Variants in GPC5 observed in about 807,000 individuals in gnomAD.
GPC5 encodes the protein glypican 5, also known as glypican-5.
A neutral mutation model predicts 53.9 loss-of-function variants in GPC5; 47 were observed. The ratio of observed to expected loss-of-function variants is 0.87; its 90% CI spans 0.69 to 1.11. The LOEUF is 1.11. GPC5 is among the 50% of genes most tolerant of loss of function. The pLI is 0.00. For synonymous variants in GPC5, 286 were observed against 263.3 expected, an observed-to-expected ratio of 1.09 and a Z score of -0.84; for missense variants, 748 against 713.1, an observed-to-expected ratio of 1.05 and a Z score of -0.56.
At chr13:91,960,772 G>A (rs1337240403) in intron 6 of GPC5, among the ~76,000 whole-genome samples, 1 of 151,840 alleles carries the variant, frequency 6.6e-6, no homozygotes, top group Non-Finnish European at 1.5e-5. Flanking sequence ...ACACATTTAT[G>A]TATTTTTGAT....
chr13:92,777,822 C>T (rs1193780611), intron 7 of GPC5, among the ~76,000 whole-genome samples: 1 of 152,206 alleles, frequency 6.6e-6, no homozygotes, highest in Non-Finnish European at 1.5e-5. Flanking sequence ...TGGCCTGCCT[C>T]TATCACTTAC....
chr13:92,549,123 A>G (rs1882223276), intron 7 of GPC5, among the ~76,000 whole-genome samples: 1 of 152,112 alleles, frequency 6.6e-6, no homozygotes, highest in Non-Finnish European at 1.5e-5. Flanking sequence ...GAATAAATCA[A>G]TCAGCTAACT....
chr13:92,107,807 G>A (rs765214574), intron 6 of GPC5, among the ~76,000 whole-genome samples: 1 of 152,062 alleles, frequency 6.6e-6, no homozygotes, highest in Non-Finnish European at 1.5e-5. Context: ...CATTGCTCAA[G>A]CTCTACCTCA....
chr13:92,266,845 G>GA (rs1333310919), intron 7 of GPC5, among the ~76,000 whole-genome samples: 1 of 151,752 alleles, frequency 6.6e-6, no homozygotes, highest in Non-Finnish European at 1.5e-5. Flanking sequence ...AAACATCAGT[G>GA]ACCAGACATC....
chr13:91,962,554 A>C, intron 6 of GPC5, among the ~76,000 whole-genome samples: 1 of 152,126 alleles, frequency 6.6e-6, no homozygotes, highest in Admixed American at 6.6e-5. Context: ...GTTGTTGCAC[A>C]GTCTTAGTAT....
chr13:91,564,809 T>G (rs1425247943), intron 2 of GPC5, among the ~76,000 whole-genome samples: 1 of 152,122 alleles, frequency 6.6e-6, no homozygotes, highest in Non-Finnish European at 1.5e-5. Flanking sequence ...AGTCTTTAAG[T>G]GATTTACAAG....
At chr13:91,774,201 T>TA (rs1485420638) in intron 5 of GPC5, among the ~76,000 whole-genome samples, 1 of 152,276 alleles carries the variant, frequency 6.6e-6, no homozygotes, top group African/African-American at 2.4e-5. Context: ...GGATTCTTAC[T>TA]AAAAAAATGT....
Position 91,974,129 on chromosome 13 carries a change from A to G in GPC5, c.1401+66072A>G, listed in dbSNP as rs534846265. 2.8e-4 allele frequency among the ~76,000 whole-genome samples: 42 copies of G among 152,292 alleles called. No individual in the cohort carries two copies. In the East Asian group the frequency reaches 7.9e-3, roughly 29 times the overall value. On this transcript the variant is annotated intron_variant, in intron 6 of 7. Coordinates refer to ENST00000377067, the MANE Select transcript of GPC5 (RefSeq NM_004466.6). ...GGCCTCCTTGAGCTGTGGTGGGCTC[A>G]GAGCTATCTATGACAAACCCACAGC...
intron 7 of GPC5, among the ~76,000 whole-genome samples, chr13:92,418,506 G>A (rs1876418707): frequency 6.6e-6 from 1 of 152,180 alleles, no homozygotes; most frequent in African/African-American, 2.4e-5. Flanking sequence ...ATGCAATATA[G>A]TGAAAGGACA....
intron 7 of GPC5, among the ~76,000 whole-genome samples, chr13:92,427,915 C>A (rs1415578059): frequency 6.6e-6 from 1 of 151,908 alleles, no homozygotes; most frequent in Admixed American, 6.6e-5. Flanking sequence ...ATTGTTTTAG[C>A]AAAACATAGA....
intron 7 of GPC5, among the ~76,000 whole-genome samples, chr13:92,307,669 A>T (rs1411742818): frequency 1.3e-5 from 2 of 152,250 alleles, no homozygotes; most frequent in Non-Finnish European, 2.9e-5. Context: ...ATAAAGAATG[A>T]AAGCTACTTC....
intron 7 of GPC5, among the ~76,000 whole-genome samples, chr13:92,819,323 C>T (rs1877596395): frequency 6.6e-6 from 1 of 150,378 alleles, no homozygotes; most frequent in Non-Finnish European, 1.5e-5. Flanking sequence ...ATGTGGACTT[C>T]ATAAGCACTG....
chr13:92,376,503 C>G (rs1253669788), intron 7 of GPC5, among the ~76,000 whole-genome samples: 1 of 152,130 alleles, frequency 6.6e-6, no homozygotes, highest in Non-Finnish European at 1.5e-5. Flanking sequence ...CTAGTGTCTG[C>G]ATAGAGGTTT....
chr13:92,554,563 CA>C lies in GPC5; in HGVS notation c.1562-311714del, dbSNP rs1386392851. Among the ~76,000 whole-genome samples the C allele has an allele frequency of 4.1e-5, 6 of 146,522 alleles. No individual in the cohort carries two copies. The East Asian group carries it at 1.0e-3, about 25-fold the overall frequency. On this transcript the variant is annotated intron_variant, in intron 7 of 7. Coordinates refer to ENST00000377067, the MANE Select transcript of GPC5 (RefSeq NM_004466.6). ...GAATTATTTTAAAAACTTAATGAAA[CA>C]AAAATTCATCCCCAAAACTATTTAC...
At chr13:91,539,355 A>G (rs1316132981) in intron 2 of GPC5, among the ~76,000 whole-genome samples, 1 of 152,098 alleles carries the variant, frequency 6.6e-6, no homozygotes, top group Non-Finnish European at 1.5e-5. Flanking sequence ...TGAAGGTCTG[A>G]CTTGATCTAG....
At chr13:92,353,325 G>T (rs1309543315) in intron 7 of GPC5, among the ~76,000 whole-genome samples, 1 of 149,596 alleles carries the variant, frequency 6.7e-6, no homozygotes, top group Non-Finnish European at 1.5e-5. Flanking sequence ...GTAACTGCCA[G>T]ATAGTCATAC....
At chr13:91,454,484 TA>T (rs1247127372) in intron 2 of GPC5, among the ~76,000 whole-genome samples, 1 of 152,212 alleles carries the variant, frequency 6.6e-6, no homozygotes, top group East Asian at 1.9e-4. Context: ...CTTGATTTTA[TA>T]TTAAATACAC....
chr13:91,622,043 A>C (rs2033875042), intron 2 of GPC5, among the ~76,000 whole-genome samples: 1 of 151,990 alleles, frequency 6.6e-6, no homozygotes, highest in South Asian at 2.1e-4. Context: ...GCACAGGAGA[A>C]AGATGAAGGC....
Position 91,494,040 on chromosome 13 carries a change from A to AT in GPC5, c.325+45128dup, listed in dbSNP as rs746380324. Among the ~76,000 whole-genome samples the AT allele has an allele frequency of 2.5e-3, 369 of 149,690 alleles. 1 individual carries two copies. The highest frequency in any genetic ancestry group is 7.9e-3 in the African/African-American group (322 of 40,838). Reference sequence around the variant, plus strand: ...AGGCACCCACCACCACACCCGGCTAATTTTTTTTTTATTTTTTATTTTTGT... The same window carrying AT: ...AGGCACCCACCACCACACCCGGCTAATTTTTTTTTTTATTTTTTATTTTTGT... On this transcript the variant is annotated intron_variant, in intron 2 of 7. Transcript: ENST00000377067.
Sources: gnomAD v4.1 joint callset for allele counts (sites outside exome capture counted in the v4.1 genomes callset) on GRCh38, gnomAD v4.1.1 for gene constraint, MANE v1.5 for transcripts, NCBI Gene and HGNC (gene_info 2026-07-23, HGNC 2026-07-21) for gene names.